The following NAALADL2 variants were observed in gnomAD, a reference collection of about 807,000 sequenced individuals.
NAALADL2 encodes inactive N-acetylated-alpha-linked acidic dipeptidase-like protein 2.
NAALADL2 carries 76 observed loss-of-function variants against 87.2 expected under a neutral mutation model. The observed-to-expected ratio is 0.87, with a 90% confidence interval of 0.72 to 1.05. The LOEUF (loss-of-function observed/expected upper bound fraction) is 1.05, where lower values mean the gene tolerates loss of function less well. Ranked by LOEUF, NAALADL2 falls within the 50% of genes least tolerant of loss-of-function variation. NAALADL2 has a pLI of 0.00. For synonymous variants in NAALADL2, 354 were observed against 331.0 expected (o/e 1.07, Z -0.75); for missense variants, 1,089 against 945.8 (o/e 1.15, Z -1.99).
intron 2 of NAALADL2, among the ~76,000 whole-genome samples, chr3:175,188,395 G>T (rs1020217041): frequency 1.3e-5 from 2 of 152,048 alleles, no homozygotes; most frequent in African/African-American, 4.8e-5. Context: ...CCCCCGTGAG[G>T]GCCAGATTCT....
intron 2 of NAALADL2, among the ~76,000 whole-genome samples, chr3:175,129,290 T>G (rs980610297): frequency 6.0e-5 from 9 of 151,260 alleles, no homozygotes; most frequent in African/African-American, 2.2e-4. Context: ...AGTTACCATT[T>G]TGTGTGTGTG....
At chr3:174,816,370 G>T (rs2109313385) in intron 3 of NAALADL2, among the ~76,000 whole-genome samples, 1 of 146,746 alleles carries the variant, frequency 6.8e-6, no homozygotes, top group East Asian at 2.0e-4. Flanking sequence ...GGGAGCCCTG[G>T]AATTGAGATA....
chr3:174,761,067 ATAGTAGTG>A (rs1712878609), intron 3 of NAALADL2, among the ~76,000 whole-genome samples: 2 of 152,196 alleles, frequency 1.3e-5, no homozygotes, highest in South Asian at 4.1e-4. Flanking sequence ...AATCACTTCC[ATAGTAGTG>A]CACCCTGTAG....
intron 10 of NAALADL2, 100 bp from the exon 11 acceptor site, chr3:175,627,191 C>A (rs993414796): frequency 3.4e-6 from 3 of 879,312 alleles, no homozygotes; most frequent in African/African-American, 3.4e-5. Flanking sequence ...AACCTTAAGG[C>A]AATTTAGAGT....
intron 2 of NAALADL2, among the ~76,000 whole-genome samples, chr3:175,127,999 C>T (rs1422635396): frequency 6.6e-6 from 1 of 152,074 alleles, no homozygotes; most frequent in Non-Finnish European, 1.5e-5. Context: ...TTTTCCTTTA[C>T]TGCTCAGTAT....
chr3:175,729,921 C>T (rs997878255), intron 11 of NAALADL2, among the ~76,000 whole-genome samples: 1 of 151,768 alleles, frequency 6.6e-6, no homozygotes, highest in Non-Finnish European at 1.5e-5. Context: ...TTAAAAAAAT[C>T]CCATGATAAT....
rs1755084841 is a variant in NAALADL2, at chr3:175,810,517, C to G, written c.*7314C>G. ...GTGAAATGTTAATGTTTAAAACACCCATTTTGAAATTATTAAATACAGGTA... is the reference window on the plus strand; with the variant it reads ...GTGAAATGTTAATGTTTAAAACACCGATTTTGAAATTATTAAATACAGGTA... On this transcript the variant is annotated 3_prime_UTR_variant, in exon 14 of 14. Coordinates refer to ENST00000454872, the MANE Select transcript of NAALADL2 (RefSeq NM_207015.3). The G allele has an allele frequency of 1.3e-5, 2 of 151,874 alleles. No individual in the cohort carries two copies. The allele number at this position is 151,874 out of a possible 1,614,324, so 9.4% of individuals were successfully genotyped here.
intron 11 of NAALADL2, among the ~76,000 whole-genome samples, chr3:175,648,388 G>T (rs952990402): frequency 6.6e-6 from 1 of 151,478 alleles, no homozygotes; most frequent in Non-Finnish European, 1.5e-5. Context: ...TTGAAAACTG[G>T]ATATAATTCA....
chr3:175,145,650 C>G (rs1730641432), intron 2 of NAALADL2, among the ~76,000 whole-genome samples: 1 of 151,684 alleles, frequency 6.6e-6, no homozygotes, highest in South Asian at 2.1e-4. Context: ...CCTAAGCATT[C>G]AATTTTGTAT....
chr3:175,703,104 A>T lies in NAALADL2; in HGVS notation c.1897-34202A>T, dbSNP rs989581808. Reference sequence around the variant, plus strand: ...AAGCTTAGAAAACATTCCACTGGAGATCTCATCTGGGGTTAGAATAACAAT... The same window carrying T: ...AAGCTTAGAAAACATTCCACTGGAGTTCTCATCTGGGGTTAGAATAACAAT... On this transcript the variant is annotated intron_variant, in intron 11 of 13. Transcript: ENST00000454872. Among the ~76,000 whole-genome samples, 9 of 152,236 alleles carry T rather than the reference A, an allele frequency of 5.9e-5. No individual in the cohort carries two copies. In the South Asian group the frequency reaches 1.9e-3, roughly 32 times the overall value.
intron 2 of NAALADL2, 43 bp downstream of exon 2, chr3:175,097,334 G>C: frequency 6.4e-7 from 1 of 1,554,966 alleles, no homozygotes; most frequent in Non-Finnish European, 8.7e-7. Context: ...GCATTTCTTG[G>C]GAAAAATGTC....
intron 5 of NAALADL2, among the ~76,000 whole-genome samples, chr3:175,422,816 G>A (rs916316489): frequency 5.9e-5 from 9 of 151,578 alleles, no homozygotes; most frequent in Non-Finnish European, 1.0e-4. Flanking sequence ...CTGGTAATTC[G>A]GTTGGCCACC....
At chr3:174,472,593 A>G (rs1250502433) in intron 1 of NAALADL2, among the ~76,000 whole-genome samples, 1 of 152,210 alleles carries the variant, frequency 6.6e-6, no homozygotes, top group African/African-American at 2.4e-5. Flanking sequence ...TATTTCATCA[A>G]GTGTGAGGAC....
intron 13 of NAALADL2, among the ~76,000 whole-genome samples, chr3:175,777,505 T>C (rs927346874): frequency 6.6e-6 from 1 of 152,136 alleles, no homozygotes; most frequent in African/African-American, 2.4e-5. Flanking sequence ...ACTGTTAATT[T>C]ATGCAATCAA....
chr3:175,187,527 C>A (rs1441928170), intron 2 of NAALADL2, among the ~76,000 whole-genome samples: 2 of 152,040 alleles, frequency 1.3e-5, no homozygotes, highest in Non-Finnish European at 2.9e-5. Context: ...TTAATTATGG[C>A]CAACACACTG....
At chr3:175,505,339 C>T (rs1207198762) in intron 9 of NAALADL2, among the ~76,000 whole-genome samples, 1 of 152,008 alleles carries the variant, frequency 6.6e-6, no homozygotes, top group African/African-American at 2.4e-5. Flanking sequence ...ACTTATGTCT[C>T]CACAGCCCCA....
chr3:174,777,561 T>A (rs1257555158), intron 3 of NAALADL2, among the ~76,000 whole-genome samples: 1 of 152,110 alleles, frequency 6.6e-6, no homozygotes, highest in African/African-American at 2.4e-5. Flanking sequence ...CAAAAGTACA[T>A]ATCTTGAAGA....
At chr3:174,534,492 G>A (rs1721538269) in intron 1 of NAALADL2, among the ~76,000 whole-genome samples, 1 of 152,138 alleles carries the variant, frequency 6.6e-6, no homozygotes, top group African/African-American at 2.4e-5. Context: ...CCATCCTCAC[G>A]ATGTTGGCTT....
At chr3:174,917,191 A>G (rs1318003047) in intron 1 of NAALADL2, among the ~76,000 whole-genome samples, 1 of 152,150 alleles carries the variant, frequency 6.6e-6, no homozygotes, top group Non-Finnish European at 1.5e-5. Flanking sequence ...AAATGGTTTA[A>G]CTGAATTTTC....
Sources: gnomAD v4.1 joint callset for allele counts (sites outside exome capture counted in the v4.1 genomes callset) on GRCh38, gnomAD v4.1.1 for gene constraint, MANE v1.5 for transcripts, NCBI Gene and HGNC (gene_info 2026-07-23, HGNC 2026-07-21) for gene names.